The following ZCRB1 variants were observed in gnomAD, a reference collection of about 807,000 sequenced individuals.
ZCRB1 encodes the protein zinc finger CCHC-type and RNA binding motif containing 1, also known as zinc finger CCHC-type and RNA-binding motif-containing protein 1.
ZCRB1 carries 21 observed loss-of-function variants against 29.9 expected under a neutral mutation model. The observed-to-expected ratio is 0.70, with a 90% CI of 0.50 to 1.01. The LOEUF (loss-of-function observed/expected upper bound fraction) is 1.01, where lower values mean the gene tolerates loss of function less well. ZCRB1 is among the 50% of genes least tolerant of loss of function. The pLI is 0.00. For synonymous variants in ZCRB1, 77 were observed against 80.0 expected (o/e 0.96, Z 0.20); for missense variants, 204 against 253.3 (o/e 0.81, Z 1.32).
At chr12:42,315,388 G>C (rs1321017776) in intron 5 of ZCRB1, among the ~76,000 whole-genome samples, 1 of 152,172 alleles carries the variant, frequency 6.6e-6, no homozygotes, top group Non-Finnish European at 1.5e-5. Flanking sequence ...ATATTTGACA[G>C]AGCAGACAGA....
At chr12:42,315,019 C>T (rs2068588193) in intron 5 of ZCRB1, among the ~76,000 whole-genome samples, 1 of 152,178 alleles carries the variant, frequency 6.6e-6, no homozygotes, top group Non-Finnish European at 1.5e-5. Flanking sequence ...GAATTACTTC[C>T]GTTTTTTCCC....
intron 5 of ZCRB1, among the ~76,000 whole-genome samples, chr12:42,315,260 A>G (rs1224568308): frequency 1.3e-5 from 2 of 152,222 alleles, no homozygotes; most frequent in African/African-American, 2.4e-5. Flanking sequence ...TAAGAGCTCA[A>G]CTATAATCTG....
Position 42,317,819 on chromosome 12 carries a change from G to T in ZCRB1, c.193C>A (p.Gln65Lys). 6.2e-7 allele frequency: 1 copy of T among 1,613,406 alleles called. No individual in the cohort carries two copies. The highest frequency in any genetic ancestry group is 8.5e-7 in the Non-Finnish European group (1 of 1,179,842). ...TTGTTTATTGCCCTGGTACAGTTTT[G>T]TGCAGAGTCTTTATCCAAAAATAAA... The part of the protein sequence containing the change: ...FILFLDKDSA[Q>K]NCTRAINNKQ... The change falls in exon 4 of 8, where the codon CAA becomes AAA. Residue 65 changes from glutamine to lysine, a missense_variant. Coordinates refer to ENST00000266529, the MANE Select transcript of ZCRB1 (RefSeq NM_033114.4).
Position 42,314,059 on chromosome 12 carries a change from T to G in ZCRB1, c.334-73A>C, listed in dbSNP as rs1185504897. The G allele has an allele frequency of 2.0e-6, 3 of 1,491,606 alleles. No individual in the cohort carries two copies. In the African/African-American group the frequency reaches 4.3e-5, roughly 21 times the overall value. The allele number at this position is 1,491,606 out of a possible 1,614,324, so 92.4% of individuals were successfully genotyped here. A position where few individuals can be genotyped will look rare whatever the true frequency, so the allele number is the denominator to read the frequency against. On this transcript the variant is annotated intron_variant, in intron 5 of 7. Coordinates refer to ENST00000266529, the MANE Select transcript of ZCRB1 (RefSeq NM_033114.4). ...TATTTATAAAAACTTGCCTGGTACC[T>G]TATTACTAAAAAGTTTTCAAATTTA... is the stretch of plus-strand genomic sequence containing the variant.
intron 5 of ZCRB1, 25 bp from the exon 6 acceptor site, chr12:42,314,011 A>C: frequency 6.4e-7 from 1 of 1,573,422 alleles, no homozygotes; most frequent in Non-Finnish European, 8.5e-7. Context: ...TAAAAAGGAA[A>C]GGAAAAATAC....
intron 7 of ZCRB1, 44 bp downstream of exon 7, chr12:42,313,646 A>C (rs771840369): frequency 6.3e-7 from 1 of 1,597,300 alleles, no homozygotes; most frequent in East Asian, 2.2e-5. Flanking sequence ...ACTATAAACC[A>C]AGTCAACTAT....
intron 5 of ZCRB1, among the ~76,000 whole-genome samples, chr12:42,314,816 G>A (rs1183406069): frequency 6.6e-6 from 1 of 152,154 alleles, no homozygotes; most frequent in East Asian, 1.9e-4. Flanking sequence ...GCTGGGCTTG[G>A]TGGCATATGC....
rs192982976 is a variant in ZCRB1, at chr12:42,322,396, A to C, written c.113+22T>G. The C allele has an allele frequency of 4.5e-5, 66 of 1,456,052 alleles. 1 individual carries two copies. In the Admixed American group the frequency reaches 7.9e-4, roughly 17 times the overall value. The allele number at this position is 1,456,052 out of a possible 1,614,324, so 90.2% of individuals were successfully genotyped here. ...CAGATAAACTTTTAAATGAAGTTACAAAATTTAATGTGAATACTTACTTTA... is the reference window on the plus strand; with the variant it reads ...CAGATAAACTTTTAAATGAAGTTACCAAATTTAATGTGAATACTTACTTTA... On this transcript the variant is annotated intron_variant, in intron 3 of 7. Coordinates refer to ENST00000266529, the MANE Select transcript of ZCRB1 (RefSeq NM_033114.4).
At chr12:42,321,340 T>C (rs2068620361) in intron 3 of ZCRB1, among the ~76,000 whole-genome samples, 1 of 152,192 alleles carries the variant, frequency 6.6e-6, no homozygotes, top group East Asian at 1.9e-4. Context: ...AAATATTTTC[T>C]CCACCACTAG....
At position 42,312,197 on chromosome 12, in the gene ZCRB1, C is replaced by G. The variant is rs1236966545; in HGVS notation, c.*870G>C. The G allele has an allele frequency of 6.6e-6, 1 of 151,904 alleles. No homozygotes were observed. 9.4% of individuals were successfully genotyped at this position (151,904 alleles called of 1,614,324 possible). ...TTTTACTAGTTAAAAAAGTAATGGG[C>G]ATTCTTACAAAGTTAAACAATATAG... is the stretch of plus-strand genomic sequence containing the variant. On this transcript the variant is annotated 3_prime_UTR_variant, in exon 8 of 8. Coordinates refer to ENST00000266529, the MANE Select transcript of ZCRB1 (RefSeq NM_033114.4).
In ZCRB1 at chr12:42,312,632, CTG is replaced by C. The variant is rs1199832512; in HGVS notation, c.*433_*434del. The C allele has an allele frequency of 6.6e-6, 1 of 152,154 alleles. No homozygotes were observed. The highest frequency in any genetic ancestry group is 1.5e-5 in the Non-Finnish European group (1 of 68,096). 9.4% of individuals were successfully genotyped at this position (152,154 alleles called of 1,614,324 possible). A position where few individuals can be genotyped will look rare whatever the true frequency, so the allele number is the denominator to read the frequency against. ...TATGGGTAGGGCAGACAAATAACAC[CTG>C]TGTTTGATTTTAAGCCTTTTAGAGC... On this transcript the variant is annotated 3_prime_UTR_variant, in exon 8 of 8. Transcript: ENST00000266529.
At chr12:42,323,143 T>A (rs911347302) in intron 2 of ZCRB1, among the ~76,000 whole-genome samples, 1 of 152,228 alleles carries the variant, frequency 6.6e-6, no homozygotes. Flanking sequence ...TGTGTTAGTA[T>A]ATGCAACCAA....
chr12:42,320,129 T>TTCCTAATA (rs1422492453), intron 3 of ZCRB1, among the ~76,000 whole-genome samples: 2 of 152,206 alleles, frequency 1.3e-5, no homozygotes, highest in Non-Finnish European at 2.9e-5. Flanking sequence ...ATAGCACCAT[T>TTCCTAATA]TCCTAATATA....
intron 3 of ZCRB1, among the ~76,000 whole-genome samples, chr12:42,320,531 A>G (rs2089335039): frequency 2.6e-5 from 4 of 151,840 alleles, no homozygotes; most frequent in Admixed American, 6.6e-5. Context: ...CTCCACCTCC[A>G]TCCGCCTCCT....
rs2068576905 is a variant in ZCRB1, at chr12:42,312,987, TTTC to T, written c.*77_*79del. 3.8e-6 allele frequency: 5 copies of T among 1,328,458 alleles called. No individual in the cohort carries two copies. Among genetic ancestry groups the T allele is most frequent in the Admixed American group, 3.1e-5 (1 of 32,654 alleles). 82.3% of individuals were successfully genotyped at this position (1,328,458 alleles called of 1,614,324 possible). On this transcript the variant is annotated 3_prime_UTR_variant, in exon 8 of 8. Transcript: ENST00000266529. ...TAGTATTAACATGATAGTATTAATT[TTTC>T]TTATTTTTATTAAAATTAGCTCTTC...
chr12:42,319,438 CCTT>C (rs1433998660), intron 3 of ZCRB1, among the ~76,000 whole-genome samples: 4 of 152,194 alleles, frequency 2.6e-5, no homozygotes, highest in African/African-American at 9.7e-5. Context: ...GCTCCCATCT[CCTT>C]CATCTTTCAC....
At chr12:42,322,298 T>C (rs1292905529) in intron 3 of ZCRB1, 120 bp downstream of exon 3, 4 of 971,528 alleles carry the variant, frequency 4.1e-6, no homozygotes, top group South Asian at 1.8e-5. Context: ...AAAATGTTAA[T>C]AGTATTTTCT....
At chr12:42,320,221 C>T (rs909524668) in intron 3 of ZCRB1, among the ~76,000 whole-genome samples, 6 of 152,198 alleles carry the variant, frequency 3.9e-5, no homozygotes, top group Admixed American at 2.0e-4. Flanking sequence ...ATAACACCTC[C>T]TTCTTGTTCA....
chr12:42,322,535 TAC>T, intron 2 of ZCRB1, 89 bp from the exon 3 acceptor site: 1 of 1,289,470 alleles, frequency 7.8e-7, no homozygotes. Context: ...AATTCTTTGT[TAC>T]AGTTTATGAA....
Sources: allele counts gnomAD v4.1 joint callset (sites outside exome capture counted in the v4.1 genomes callset), GRCh38; gene constraint gnomAD v4.1.1; transcripts MANE v1.5; gene names NCBI Gene and HGNC (gene_info 2026-07-23, HGNC 2026-07-21).